The following ASB9 variants were observed in gnomAD, a reference collection of about 807,000 sequenced individuals.
The protein encoded by ASB9 is ankyrin repeat and SOCS box containing 9.
ASB9 carries 5 observed loss-of-function variants against 16.6 expected under a neutral mutation model. The ratio of observed to expected loss-of-function variants is 0.30; its 90% CI spans 0.16 to 0.63. The LOEUF is 0.63. ASB9 is among the 30% of genes least tolerant of loss of function. The pLI is 0.82. For synonymous variants in ASB9, 100 were observed against 86.4 expected (o/e 1.16, Z -0.87); for missense variants, 216 against 229.4 (o/e 0.94, Z 0.38).
intron 6 of ASB9, among the ~76,000 whole-genome samples, chrX:15,247,667 G>A (rs1285715151): frequency 8.9e-6 from 1 of 112,408 alleles, no homozygotes; most frequent in African/African-American, 3.2e-5. Flanking sequence ...CGTAGACATA[G>A]AACTTTTTCA....
At chrX:15,259,008 T>C (rs1168439980) in intron 1 of ASB9, 63 bp from the exon 2 acceptor site, 17 of 922,535 alleles carry the variant, frequency 1.8e-5, no homozygotes, top group Non-Finnish European at 2.6e-5. Flanking sequence ...AGGCTTATCC[T>C]TGCCCATCAA....
intron 1 of ASB9, among the ~76,000 whole-genome samples, chrX:15,263,742 A>G (rs1263028712): frequency 9.0e-6 from 1 of 111,161 alleles, no homozygotes; most frequent in Non-Finnish European, 1.9e-5. Context: ...AGACAATAAA[A>G]TTGTTTTCTT....
At chrX:15,262,212 T>C (rs890252641) in intron 1 of ASB9, among the ~76,000 whole-genome samples, 2 of 110,949 alleles carry the variant, frequency 1.8e-5, no homozygotes, top group African/African-American at 6.6e-5. Context: ...AAAATTTGTG[T>C]CATTTCTACT....
intron 4 of ASB9, among the ~76,000 whole-genome samples, chrX:15,251,203 G>A (rs1376301407): frequency 8.9e-6 from 1 of 111,962 alleles, no homozygotes; most frequent in Non-Finnish European, 1.9e-5. Flanking sequence ...TGAGAGCTTG[G>A]GAGAGATATG....
At chrX:15,250,977 T>C (rs1281343049) in intron 4 of ASB9, among the ~76,000 whole-genome samples, 1 of 111,982 alleles carries the variant, frequency 8.9e-6, no homozygotes, top group Non-Finnish European at 1.9e-5. Context: ...CGCCTCAGCC[T>C]CCCAAAATGC....
intron 6 of ASB9, among the ~76,000 whole-genome samples, 180 bp from the exon 7 acceptor site, chrX:15,244,810 C>T (rs1474962062): frequency 2.7e-5 from 3 of 110,149 alleles, no homozygotes; most frequent in Admixed American, 9.7e-5. Context: ...CTCTCTTTTC[C>T]GGTAGCTAAT....
Position 15,252,297 on chromosome X carries a change from A to G in ASB9, c.390T>C (p.Pro130=). ...GGATGGGGGATGCCAGATCACTCTC[A>G]GGTTGAACGCTGGCTCCGTGCTGCA... ...LLLQHGASVQ[P]ESDLASPIHE... is the part of the protein sequence containing the mutation. The change falls in exon 4 of 7, where the codon CCT becomes CCC. Residue 130 remains proline, a synonymous_variant. Transcript: ENST00000380488. 8.3e-7 allele frequency: 1 copy of G among 1,211,088 alleles called. No homozygotes were observed. The highest frequency in any genetic ancestry group is 3.0e-5 in the East Asian group (1 of 33,847).
intron 4 of ASB9, among the ~76,000 whole-genome samples, 179 bp from the exon 5 acceptor site, chrX:15,250,743 A>G (rs781243660): frequency 8.0e-5 from 9 of 112,030 alleles, no homozygotes; most frequent in Non-Finnish European, 1.5e-4. Flanking sequence ...TATTTTAGAA[A>G]CGGAGTCTCG....
chrX:15,256,375 T>C (rs1161229192), intron 2 of ASB9, among the ~76,000 whole-genome samples: 1 of 90,143 alleles, frequency 1.1e-5, no homozygotes, highest in Non-Finnish European at 2.1e-5. Context: ...TGGAGTGCAG[T>C]GGCGCGATCT....
intron 2 of ASB9, among the ~76,000 whole-genome samples, chrX:15,255,622 C>T (rs1925471127): frequency 9.0e-6 from 1 of 111,447 alleles, no homozygotes; most frequent in Admixed American, 9.6e-5. Context: ...TTCAACTGCA[C>T]ACGTGTTTAA....
At chrX:15,259,461 C>G (rs1052598547) in intron 1 of ASB9, among the ~76,000 whole-genome samples, 1 of 112,649 alleles carries the variant, frequency 8.9e-6, no homozygotes, top group Non-Finnish European at 1.9e-5. Context: ...TATCTCCTGT[C>G]CTAATATTAA....
chrX:15,269,836 G>C lies in ASB9; in HGVS notation c.39C>G (p.Pro13=). The change falls in exon 1 of 7, where the codon CCC becomes CCG. Residue 13 remains proline (P), a synonymous_variant. Coordinates refer to ENST00000380488, the MANE Select transcript of ASB9 (RefSeq NM_001031739.3). ...TGCCAGGAAAGTCCCTTGGCCCCGC[G>C]GGCTTGCTCCCATCCATGCCCCCTT... The part of the protein sequence containing the change: ...GKQGGMDGSK[P]AGPRDFPGIR... 8.3e-7 allele frequency: 1 copy of C among 1,207,219 alleles called. No individual in the cohort carries two copies. The highest frequency in any genetic ancestry group is 1.1e-6 in the Non-Finnish European group (1 of 893,418).
In ASB9 at chrX:15,269,804, A is replaced by G. The variant is rs773128197; in HGVS notation, c.71T>C (p.Leu24Pro). The change falls in exon 1 of 7, where the codon CTT becomes CCT. Residue 24 changes from leucine to proline, a missense_variant. Physicochemically the swap from Leu to Pro is moderately conservative, Grantham distance 98. Coordinates refer to ENST00000380488, the MANE Select transcript of ASB9 (RefSeq NM_001031739.3). ...ACCGCCCATCAATGGGTTTGAAAGAAGCCTGATGCCAGGAAAGTCCCTTGG... is the reference window on the plus strand; with the variant it reads ...ACCGCCCATCAATGGGTTTGAAAGAGGCCTGATGCCAGGAAAGTCCCTTGG... ...AGPRDFPGIR[L>P]LSNPLMGDAV... 3 of 1,206,802 alleles carry G rather than the reference A, an allele frequency of 2.5e-6. No homozygotes were observed. The highest frequency in any genetic ancestry group is 6.0e-5 in the East Asian group (2 of 33,511).
intron 1 of ASB9, 72 bp downstream of exon 1, chrX:15,269,709 C>A: frequency 1.1e-6 from 1 of 930,198 alleles, no homozygotes. Context: ...GCCACTGAAA[C>A]TGCCCAACCC....
intron 3 of ASB9, 121 bp from the exon 4 acceptor site, chrX:15,252,525 T>C (rs5934228): frequency 1.4e-6 from 1 of 722,366 alleles, no homozygotes; most frequent in Non-Finnish European, 1.9e-6. Flanking sequence ...AGCTATAAAA[T>C]GGAGAAATAA....
chrX:15,253,868 A>C (rs1305521424), intron 3 of ASB9, among the ~76,000 whole-genome samples: 1 of 111,751 alleles, frequency 8.9e-6, no homozygotes, highest in African/African-American at 3.3e-5. Flanking sequence ...CTCTACTTCC[A>C]AGCAGGGCCA....
At chrX:15,256,645 G>A (rs780401045) in intron 2 of ASB9, among the ~76,000 whole-genome samples, 2 of 103,496 alleles carry the variant, frequency 1.9e-5, no homozygotes, top group Non-Finnish European at 3.9e-5. Flanking sequence ...GGCGAGGTGG[G>A]GGACACCTGT....
chrX:15,249,253 C>A (rs941001161), intron 5 of ASB9, among the ~76,000 whole-genome samples: 12 of 112,221 alleles, frequency 1.1e-4, no homozygotes, highest in African/African-American at 3.9e-4. Context: ...ATTAATGGAA[C>A]CTAAGTATTA....
intron 1 of ASB9, among the ~76,000 whole-genome samples, chrX:15,260,304 G>A (rs185137535): frequency 0.014 from 1,544 of 111,697 alleles, 25 homozygotes; most frequent in African/African-American, 0.047. Flanking sequence ...AGGCTGAGGC[G>A]GGAGAATCGG....
Sources: gnomAD v4.1 joint callset for allele counts (sites outside exome capture counted in the v4.1 genomes callset) on GRCh38, gnomAD v4.1.1 for gene constraint, MANE v1.5 for transcripts, NCBI Gene and HGNC (gene_info 2026-07-23, HGNC 2026-07-21) for gene names.